CRACDL: variants seen among roughly 807,000 people sequenced by gnomAD.
The protein encoded by CRACDL is CRACD like.
CRACDL carries 26 observed loss-of-function variants against 70.6 expected under a neutral mutation model. The ratio of observed to expected loss-of-function variants is 0.37; its 90% CI spans 0.27 to 0.51. The LOEUF is 0.51. Among genes scored for constraint, CRACDL ranks in the 20% least tolerant of loss-of-function variants. The probability of loss-of-function intolerance (pLI) is 0.94; values close to 1 mark genes in which losing one functional copy is unlikely to be tolerated. For missense variants in CRACDL, 1,283 were observed against 1,376.9 expected (o/e 0.93, Z 1.08); for synonymous variants, 618 against 615.2 (o/e 1.00, Z -0.07).
chr2:98,900,957 G>A (rs549773223), intron 1 of CRACDL, among the ~76,000 whole-genome samples: 1 of 152,192 alleles, frequency 6.6e-6, no homozygotes, highest in Admixed American at 6.5e-5. Context: ...CAGGAGGCAG[G>A]TGAAGGAAGT....
intron 2 of CRACDL, among the ~76,000 whole-genome samples, chr2:98,841,850 G>C (rs539409391): frequency 6.6e-6 from 1 of 152,270 alleles, no homozygotes; most frequent in African/African-American, 2.4e-5. Context: ...TAGTTTGGCA[G>C]TTACTTTTCC....
chr2:98,931,561 G>A (rs1470540169), intron 1 of CRACDL, among the ~76,000 whole-genome samples: 1 of 152,166 alleles, frequency 6.6e-6, no homozygotes, highest in African/African-American at 2.4e-5. Flanking sequence ...GACCTCAGAG[G>A]TTAAGGCAAA....
At chr2:98,893,559 C>T (rs1708035274) in intron 1 of CRACDL, among the ~76,000 whole-genome samples, 1 of 152,166 alleles carries the variant, frequency 6.6e-6, no homozygotes, top group Admixed American at 6.5e-5. Context: ...GCTGGAATTA[C>T]AGGCATTAGC....
In CRACDL at chr2:98,823,600, C is replaced by T. The variant is rs951121444; in HGVS notation, c.736-63G>A. 2 of 1,531,160 alleles carry T rather than the reference C, an allele frequency of 1.3e-6. No individual in the cohort carries two copies. Among genetic ancestry groups the T allele is most frequent in the South Asian group, 1.2e-5 (1 of 83,802 alleles). 94.8% of individuals were successfully genotyped at this position (1,531,160 alleles called of 1,614,324 possible). A position where few individuals can be genotyped will look rare whatever the true frequency, so the allele number is the denominator to read the frequency against. On this transcript the variant is annotated intron_variant, in intron 6 of 9. Transcript: ENST00000397899. The surrounding 1 kb of genome is among the most constrained non-coding windows in gnomAD (Gnocchi z 4.0). ...CCAATTCCAGGAAGCCTGTCACCTC[C>T]CCACTTTTTTCAAGGCTTATAATGG...
At chr2:98,908,264 G>A (rs1471748494) in intron 1 of CRACDL, 3 of 152,256 alleles carry the variant, frequency 2.0e-5, no homozygotes, top group Admixed American at 1.3e-4. Context: ...AGAGAGCTCC[G>A]AGGTCACCCT....
chr2:98,863,701 G>A (rs1199432074), intron 1 of CRACDL, among the ~76,000 whole-genome samples: 1 of 152,232 alleles, frequency 6.6e-6, no homozygotes, highest in Non-Finnish European at 1.5e-5. Flanking sequence ...ATGCTGGGCA[G>A]TGGCACCAAG....
intron 1 of CRACDL, among the ~76,000 whole-genome samples, chr2:98,849,652 C>T (rs1456920106): frequency 6.6e-6 from 1 of 152,048 alleles, no homozygotes; most frequent in African/African-American, 2.4e-5. Flanking sequence ...AAGATGCAGA[C>T]AGCACCCCCA....
chr2:98,896,838 T>G (rs756550587), intron 1 of CRACDL, among the ~76,000 whole-genome samples: 2 of 152,116 alleles, frequency 1.3e-5, no homozygotes, highest in Non-Finnish European at 2.9e-5. Context: ...AAAAGAGGGA[T>G]GAGGAAGGGG....
At chr2:98,871,063 C>A (rs1707327702) in intron 1 of CRACDL, among the ~76,000 whole-genome samples, 1 of 152,252 alleles carries the variant, frequency 6.6e-6, no homozygotes, top group Non-Finnish European at 1.5e-5. Context: ...GCATGCTCTC[C>A]ACAGCACGGT....
chr2:98,811,793 A>G (rs939120089), intron 7 of CRACDL, among the ~76,000 whole-genome samples: 3 of 152,188 alleles, frequency 2.0e-5, no homozygotes, highest in Non-Finnish European at 4.4e-5. Flanking sequence ...GGAATAATTC[A>G]GTTTGCAATT....
intron 1 of CRACDL, among the ~76,000 whole-genome samples, chr2:98,881,623 G>A (rs868335833): frequency 3.3e-5 from 5 of 152,282 alleles, no homozygotes; most frequent in Middle Eastern, 3.4e-3. Context: ...TGTGACCCTC[G>A]TGTCATCAGG....
intron 1 of CRACDL, among the ~76,000 whole-genome samples, chr2:98,871,314 C>T (rs1312043872): frequency 6.6e-6 from 1 of 152,242 alleles, no homozygotes; most frequent in Non-Finnish European, 1.5e-5. Context: ...GGCTCATTTT[C>T]ATTCAGAGGG....
intron 1 of CRACDL, among the ~76,000 whole-genome samples, chr2:98,859,113 G>A (rs1216989750): frequency 2.0e-5 from 3 of 152,224 alleles, no homozygotes; most frequent in African/African-American, 7.2e-5. Context: ...TATAAGAACA[G>A]GTGACACTTT....
At chr2:98,849,233 G>C (rs1314538694) in intron 1 of CRACDL, among the ~76,000 whole-genome samples, 3 of 152,226 alleles carry the variant, frequency 2.0e-5, no homozygotes, top group East Asian at 3.9e-4. Flanking sequence ...GTCTGATGGG[G>C]TTTCTTCGTC....
At chr2:98,918,716 T>C (rs1406085747) in intron 1 of CRACDL, among the ~76,000 whole-genome samples, 1 of 152,204 alleles carries the variant, frequency 6.6e-6, no homozygotes, top group African/African-American at 2.4e-5. Flanking sequence ...CATATGCTTG[T>C]TGATCATTCG....
chr2:98,864,783 G>A (rs1377723499), intron 1 of CRACDL, among the ~76,000 whole-genome samples: 1 of 152,186 alleles, frequency 6.6e-6, no homozygotes, highest in Non-Finnish European at 1.5e-5. Flanking sequence ...CTGACCTCAG[G>A]TGATCCACAG....
chr2:98,912,314 G>C (rs1177435035), intron 1 of CRACDL, among the ~76,000 whole-genome samples: 2 of 152,244 alleles, frequency 1.3e-5, no homozygotes, highest in Non-Finnish European at 2.9e-5. Flanking sequence ...GGCTCTGCCT[G>C]CCTGGGTGTG....
At chr2:98,844,323 C>CT (rs1216992092) in intron 2 of CRACDL, among the ~76,000 whole-genome samples, 1 of 152,060 alleles carries the variant, frequency 6.6e-6, no homozygotes, top group African/African-American at 2.4e-5. Flanking sequence ...TGTTTTAAAA[C>CT]TTTTTTATTA....
chr2:98,825,547 T>C (rs1346583341), intron 6 of CRACDL, among the ~76,000 whole-genome samples: 1 of 152,250 alleles, frequency 6.6e-6, no homozygotes, highest in African/African-American at 2.4e-5. Flanking sequence ...ATAAACGCCC[T>C]GGCCAGAGCC....
Sources: gnomAD v4.1 joint callset for allele counts (sites outside exome capture counted in the v4.1 genomes callset) on GRCh38, gnomAD v4.1.1 for gene constraint, Gnocchi (gnomAD v3.1) non-coding constraint, MANE v1.5 for transcripts, NCBI Gene and HGNC (gene_info 2026-07-23, HGNC 2026-07-21) for gene names.